The following FRMD3 variants were observed in gnomAD, a reference collection of about 807,000 sequenced individuals.
The protein encoded by FRMD3 is FERM domain containing 3, also known as FERM domain-containing protein 3.
In FRMD3, 33 loss-of-function variants were observed where a neutral mutation model predicts 70.2. The observed-to-expected ratio is 0.47, with a 90% CI of 0.36 to 0.63. FRMD3 has a LOEUF of 0.63. FRMD3 is among the 20% of genes least tolerant of loss of function. FRMD3 has a pLI of 0.00. For synonymous variants in FRMD3, 279 were observed against 255.9 expected, an observed-to-expected ratio of 1.09 and a Z score of -0.86; for missense variants, 632 against 711.4, an observed-to-expected ratio of 0.89 and a Z score of 1.27.
chr9:83,484,777 A>G (rs761624409), intron 1 of FRMD3, among the ~76,000 whole-genome samples: 5 of 152,242 alleles, frequency 3.3e-5, no homozygotes, highest in Non-Finnish European at 5.9e-5. Flanking sequence ...AGAGTATCAA[A>G]TCTAGCAAAA....
intron 12 of FRMD3, among the ~76,000 whole-genome samples, chr9:83,295,787 C>G (rs781123790): frequency 6.6e-6 from 1 of 152,210 alleles, no homozygotes; most frequent in African/African-American, 2.4e-5. Flanking sequence ...CAAGCTACAG[C>G]CCTCTCACTG....
intron 3 of FRMD3, among the ~76,000 whole-genome samples, chr9:83,362,282 AG>A (rs1824616930): frequency 6.6e-6 from 1 of 152,104 alleles, no homozygotes; most frequent in Non-Finnish European, 1.5e-5. Context: ...ATTAGCCCCA[AG>A]GGGGATGTTG....
chr9:83,383,034 G>C (rs1825404564), intron 2 of FRMD3, among the ~76,000 whole-genome samples: 1 of 152,204 alleles, frequency 6.6e-6, no homozygotes, highest in South Asian at 2.1e-4. Flanking sequence ...AAGCAGCCGT[G>C]TAAGAAGTAC....
intron 1 of FRMD3, among the ~76,000 whole-genome samples, chr9:83,479,650 A>C (rs1479960801): frequency 8.2e-5 from 4 of 48,852 alleles, no homozygotes; most frequent in Non-Finnish European, 1.5e-4. Flanking sequence ...GAAGGAAGGA[A>C]GGAAGGAAGG....
intron 13 of FRMD3, among the ~76,000 whole-genome samples, chr9:83,270,747 G>A (rs1833515002): frequency 6.6e-6 from 1 of 152,056 alleles, no homozygotes; most frequent in Non-Finnish European, 1.5e-5. Flanking sequence ...GTGGTTGTGA[G>A]GATTAATCAA....
chr9:83,330,193 C>T (rs1011869394), intron 6 of FRMD3, among the ~76,000 whole-genome samples: 11 of 152,004 alleles, frequency 7.2e-5, no homozygotes, highest in Non-Finnish European at 1.6e-4. Context: ...GGAGAAACCC[C>T]GTCTTTACCA....
At chr9:83,573,738 TTCTCTCTCTCTCTCTC>T in the FRMD3 span, among the ~76,000 whole-genome samples, 1 of 146,158 alleles carries the variant, frequency 6.8e-6, no homozygotes, top group East Asian at 2.0e-4. Context: ...AAAAGAACGA[TTCTCTCTCTCTCTCTC>T]TCTCTCTCTC....
intron 13 of FRMD3, chr9:83,276,434 A>G (rs548647498): frequency 1.3e-5 from 2 of 152,290 alleles, no homozygotes; most frequent in East Asian, 3.9e-4. Flanking sequence ...TTTGTTCTCC[A>G]TATTTCTCAA....
chr9:83,537,960 C>A lies in FRMD3; in HGVS notation c.147+125G>T. 9.0e-7 allele frequency: 1 copy of A among 1,105,872 alleles called. No homozygotes were observed. The highest frequency in any genetic ancestry group is 2.6e-5 in the East Asian group (1 of 38,904). 68.5% of individuals were successfully genotyped at this position (1,105,872 alleles called of 1,614,324 possible). ...CCTCAGAGGCCTGAGGAATCGAAATCTGGCTTTCTAGCAGTCCCCCAATCC... is the reference window on the plus strand; with the variant it reads ...CCTCAGAGGCCTGAGGAATCGAAATATGGCTTTCTAGCAGTCCCCCAATCC... On this transcript the variant is annotated intron_variant, in intron 1 of 13. Coordinates refer to ENST00000304195, the MANE Select transcript of FRMD3 (RefSeq NM_174938.6). The surrounding 1 kb of genome is among the most constrained non-coding windows in gnomAD (Gnocchi z 4.1).
At chr9:83,413,116 G>A (rs887833272) in intron 1 of FRMD3, among the ~76,000 whole-genome samples, 1 of 152,144 alleles carries the variant, frequency 6.6e-6, no homozygotes, top group Non-Finnish European at 1.5e-5. Flanking sequence ...TGGGCTACAG[G>A]TAACTCTATC....
intron 13 of FRMD3, among the ~76,000 whole-genome samples, chr9:83,288,916 G>A (rs186970161): frequency 2.1e-3 from 327 of 152,236 alleles, no homozygotes; most frequent in Non-Finnish European, 3.2e-3. Flanking sequence ...CTAGGGTTCC[G>A]TATTCCCCAT....
At chr9:83,270,549 T>C (rs546752035) in intron 13 of FRMD3, among the ~76,000 whole-genome samples, 14 of 152,200 alleles carry the variant, frequency 9.2e-5, no homozygotes, top group Non-Finnish European at 1.5e-4. Context: ...GTGCCTAACA[T>C]AGAGCTGGCT....
chr9:83,341,113 T>C (rs376463125), intron 5 of FRMD3, among the ~76,000 whole-genome samples: 1 of 152,192 alleles, frequency 6.6e-6, no homozygotes, highest in African/African-American at 2.4e-5. Context: ...TGCCCATCTA[T>C]ATCTGTATTT....
chr9:83,489,489 G>A (rs903575347), intron 1 of FRMD3, among the ~76,000 whole-genome samples: 1 of 152,002 alleles, frequency 6.6e-6, no homozygotes, highest in Non-Finnish European at 1.5e-5. Context: ...AGAAGCAACC[G>A]ACAAACATGT....
intron 10 of FRMD3, among the ~76,000 whole-genome samples, chr9:83,300,038 T>C (rs1241240565): frequency 6.6e-6 from 1 of 152,228 alleles, no homozygotes; most frequent in African/African-American, 2.4e-5. Context: ...GTTTAAAATA[T>C]TGATAGTCAC....
chr9:83,567,658 GA>G, the FRMD3 span, among the ~76,000 whole-genome samples: 1 of 152,106 alleles, frequency 6.6e-6, no homozygotes, highest in African/African-American at 2.4e-5. Context: ...TCTCTCTCAA[GA>G]TCAAAGTCCC....
chr9:83,285,992 GT>G (rs575544153), intron 13 of FRMD3, among the ~76,000 whole-genome samples: 96 of 152,258 alleles, frequency 6.3e-4, no homozygotes, highest in African/African-American at 2.2e-3. Context: ...AACTGATTTT[GT>G]TTTTTCTCCA....
chr9:83,378,817 AATTTTATATAAAT>A (rs1825263704), intron 2 of FRMD3, among the ~76,000 whole-genome samples: 1 of 120,868 alleles, frequency 8.3e-6, no homozygotes, highest in Non-Finnish European at 1.6e-5. Context: ...ACTATATATA[AATTTTATATAAAT>A]ATATATACTA....
chr9:83,274,330 G>T (rs1833721058), intron 13 of FRMD3, among the ~76,000 whole-genome samples: 1 of 152,040 alleles, frequency 6.6e-6, no homozygotes, highest in Admixed American at 6.5e-5. Flanking sequence ...ATCCCTTATT[G>T]AGCAGTCCCC....
Sources: gnomAD v4.1 joint callset for allele counts (sites outside exome capture counted in the v4.1 genomes callset) on GRCh38, gnomAD v4.1.1 for gene constraint, Gnocchi (gnomAD v3.1) non-coding constraint, MANE v1.5 for transcripts, NCBI Gene and HGNC (gene_info 2026-07-23, HGNC 2026-07-21) for gene names.